The following PCDH15 variants were observed in gnomAD, a reference collection of about 807,000 sequenced individuals.
PCDH15 encodes the protein protocadherin-15.
PCDH15 carries 129 observed loss-of-function variants against 178.5 expected under a neutral mutation model. The ratio of observed to expected loss-of-function variants is 0.72; its 90% CI spans 0.63 to 0.84. The LOEUF is 0.84. PCDH15 is among the 40% of genes least tolerant of loss of function. The probability of loss-of-function intolerance (pLI) is 0.00; values close to 1 mark genes in which losing one functional copy is unlikely to be tolerated. For missense variants in PCDH15, 2,230 were observed against 2,099.9 expected (o/e 1.06, Z -1.21); for synonymous variants, 800 against 732.0 (o/e 1.09, Z -1.50).
intron 2 of PCDH15, among the ~76,000 whole-genome samples, chr10:55,325,738 G>A (rs1278002477): frequency 6.6e-6 from 1 of 152,006 alleles, no homozygotes; most frequent in Non-Finnish European, 1.5e-5. Flanking sequence ...AAGTGCTTCA[G>A]TGCAGCAAAA....
chr10:54,395,008 G>T lies in PCDH15; in HGVS notation c.158-16066C>A, dbSNP rs751749000. Among the ~76,000 whole-genome samples, 9 of 151,946 alleles carry T rather than the reference G, an allele frequency of 5.9e-5. No homozygotes were observed. The East Asian group carries it at 1.7e-3, about 30-fold the overall frequency. ...ATTGCTGTTATCCTGTTCTTTTTTC[G>T]AGGTGCCCACATTTCATATTGCTCA... On this transcript the variant is annotated intron_variant, in intron 3 of 37. Transcript: ENST00000644397.
chr10:55,442,256 T>C (rs1839204260), intron 2 of PCDH15, among the ~76,000 whole-genome samples: 1 of 151,680 alleles, frequency 6.6e-6, no homozygotes, highest in African/African-American at 2.4e-5. Context: ...GGCAGATTTT[T>C]AAGAAATGAT....
chr10:54,697,656 GGAA>G, intron 1 of PCDH15, among the ~76,000 whole-genome samples: 3 of 107,896 alleles, frequency 2.8e-5, no homozygotes, highest in Non-Finnish European at 4.0e-5. Context: ...AAGGAAGGAA[GGAA>G]GGGGAAGGGG....
chr10:55,323,129 G>A (rs1216092074), upstream of PCDH15, among the ~76,000 whole-genome samples: 2 of 152,186 alleles, frequency 1.3e-5, no homozygotes, highest in African/African-American at 4.8e-5. Flanking sequence ...CTTACATGTG[G>A]CATTGGGCAT....
At chr10:54,249,086 A>T (rs1449880747) in intron 8 of PCDH15, among the ~76,000 whole-genome samples, 1 of 152,028 alleles carries the variant, frequency 6.6e-6, no homozygotes, top group Non-Finnish European at 1.5e-5. Context: ...CCTACCACCC[A>T]ATGATTATCA....
intron 1 of PCDH15, among the ~76,000 whole-genome samples, chr10:55,190,942 GTCTGT>G (rs1364366245): frequency 1.3e-5 from 2 of 151,636 alleles, no homozygotes; most frequent in Non-Finnish European, 3.0e-5. Context: ...GTCAGATGCA[GTCTGT>G]TGTATTTAAT....
chr10:54,899,212 C>T (rs1954600889), intron 2 of PCDH15, among the ~76,000 whole-genome samples: 2 of 152,108 alleles, frequency 1.3e-5, no homozygotes, highest in African/African-American at 4.8e-5. Context: ...TATCCTAATA[C>T]ATGAAGATGA....
intron 25 of PCDH15, among the ~76,000 whole-genome samples, chr10:53,926,505 A>C (rs2084567543): frequency 6.6e-6 from 1 of 152,218 alleles, no homozygotes; most frequent in Non-Finnish European, 1.5e-5. Flanking sequence ...TATGAGAAAC[A>C]CTATTTTATG....
At chr10:54,198,385 C>G (rs751391106) in intron 10 of PCDH15, among the ~76,000 whole-genome samples, 9 of 151,876 alleles carry the variant, frequency 5.9e-5, no homozygotes, top group Non-Finnish European at 8.8e-5. Context: ...AGCAGGAATC[C>G]TCTGCTTCAC....
intron 2 of PCDH15, among the ~76,000 whole-genome samples, chr10:54,967,493 T>G (rs1349065634): frequency 1.3e-5 from 2 of 152,146 alleles, no homozygotes; most frequent in African/African-American, 4.8e-5. Context: ...AAGTATAAAT[T>G]ATGTATATTT....
intron 15 of PCDH15, among the ~76,000 whole-genome samples, chr10:54,110,141 T>C (rs2094990115): frequency 6.6e-6 from 1 of 152,050 alleles, no homozygotes; most frequent in African/African-American, 2.4e-5. Context: ...GCATCTGTGC[T>C]GCGCCAGTGG....
At chr10:54,230,127 A>G (rs1019510633) in intron 9 of PCDH15, among the ~76,000 whole-genome samples, 2 of 152,182 alleles carry the variant, frequency 1.3e-5, no homozygotes, top group African/African-American at 4.8e-5. Context: ...AATTAAATGG[A>G]CTATTTTAAA....
At chr10:55,390,721 G>C (rs1376536774) in intron 2 of PCDH15, among the ~76,000 whole-genome samples, 1 of 152,184 alleles carries the variant, frequency 6.6e-6, no homozygotes, top group Non-Finnish European at 1.5e-5. Flanking sequence ...AATGGATGCT[G>C]TGTGAACACA....
chr10:55,136,236 A>G (rs1838194772), intron 2 of PCDH15, among the ~76,000 whole-genome samples: 2 of 152,158 alleles, frequency 1.3e-5, no homozygotes, highest in South Asian at 2.1e-4. Context: ...ACTGCTGAGT[A>G]GCTCTATGAC....
intron 3 of PCDH15, among the ~76,000 whole-genome samples, chr10:54,519,196 T>C (rs554801447): frequency 6.6e-6 from 1 of 152,310 alleles, no homozygotes; most frequent in African/African-American, 2.4e-5. Flanking sequence ...AACATAGTGT[T>C]GGAAGTTCTG....
intron 2 of PCDH15, among the ~76,000 whole-genome samples, chr10:55,510,472 T>A (rs888110251): frequency 3.3e-5 from 5 of 151,990 alleles, no homozygotes; most frequent in African/African-American, 1.2e-4. Flanking sequence ...TTTTTCTCCC[T>A]TTATTGTTTA....
At position 55,466,117 on chromosome 10, in the gene PCDH15, T is replaced by C. The variant is rs551960626; in HGVS notation, c.-156+161508A>G. Among the ~76,000 whole-genome samples the C allele has an allele frequency of 2.5e-3, 374 of 152,158 alleles. 1 individual carries two copies. Among genetic ancestry groups the C allele is most frequent in the African/African-American group, 8.4e-3 (348 of 41,492 alleles). The stretch of plus-strand genomic sequence containing the variant: ...AATGGGGAGCCAGCCAATACGAAAA[T>C]ATGCACAGAGATTACTATTTATATC... On this transcript the variant is annotated intron_variant, in intron 2 of 5. Transcript: ENST00000613346.
intron 3 of PCDH15, among the ~76,000 whole-genome samples, chr10:54,505,441 A>C (rs2081087312): frequency 6.6e-6 from 1 of 152,192 alleles, no homozygotes. Flanking sequence ...TCATATGCCA[A>C]AACATGTCCC....
At chr10:54,277,511 C>T (rs1166974098) in intron 8 of PCDH15, among the ~76,000 whole-genome samples, 1 of 151,506 alleles carries the variant, frequency 6.6e-6, no homozygotes, top group Non-Finnish European at 1.5e-5. Context: ...AATTTGATTT[C>T]CAGATATAAA....
Sources: allele counts gnomAD v4.1 joint callset (sites outside exome capture counted in the v4.1 genomes callset), GRCh38; gene constraint gnomAD v4.1.1; transcripts MANE v1.5; gene names NCBI Gene and HGNC (gene_info 2026-07-23, HGNC 2026-07-21).